The following NCALD variants were observed in gnomAD, a reference collection of about 807,000 sequenced individuals.
NCALD encodes the protein neurocalcin delta.
In NCALD, 10 loss-of-function variants were observed where a neutral mutation model predicts 18.6. That is an observed-to-expected ratio of 0.54 (90% CI 0.33 to 0.91). NCALD has a LOEUF of 0.91. Among genes scored for constraint, NCALD ranks in the 40% least tolerant of loss-of-function variants. The pLI, the probability that NCALD is intolerant of heterozygous loss-of-function variation, is 0.03. For missense variants in NCALD, 184 were observed against 247.6 expected, an observed-to-expected ratio of 0.74 and a Z score of 1.72; for synonymous variants, 88 against 87.4, an observed-to-expected ratio of 1.01 and a Z score of -0.04.
intron 3 of NCALD, among the ~76,000 whole-genome samples, chr8:101,897,964 T>C (rs1817269437): frequency 1.3e-5 from 2 of 152,168 alleles, no homozygotes; most frequent in Non-Finnish European, 2.9e-5. Flanking sequence ...TGATAATGAG[T>C]GAGTTCTCAC....
chr8:101,751,606 C>T (rs1241150705), intron 1 of NCALD, among the ~76,000 whole-genome samples: 2 of 152,100 alleles, frequency 1.3e-5, no homozygotes, highest in East Asian at 3.8e-4. Flanking sequence ...AAGGGGAGGG[C>T]CCAGAATTCT....
At chr8:101,950,598 G>A (rs1819376018) in intron 2 of NCALD, among the ~76,000 whole-genome samples, 1 of 152,192 alleles carries the variant, frequency 6.6e-6, no homozygotes. Context: ...GGTTATGCTT[G>A]GCTAAGAGAC....
chr8:101,938,368 A>G (rs1818838001), intron 2 of NCALD, among the ~76,000 whole-genome samples: 1 of 152,226 alleles, frequency 6.6e-6, no homozygotes, highest in African/African-American at 2.4e-5. Flanking sequence ...GTGAAGCCAT[A>G]GCTCAGAGGT....
chr8:102,038,410 T>C (rs941694970), intron 1 of NCALD, among the ~76,000 whole-genome samples: 1 of 152,178 alleles, frequency 6.6e-6, no homozygotes, highest in Non-Finnish European at 1.5e-5. Flanking sequence ...GCATGGGGCT[T>C]GCAGAGTCTA....
Position 101,892,858 on chromosome 8 carries a change from C to G in NCALD, c.-106-5631G>C, listed in dbSNP as rs184933731. ...AGCAAAGCCTCCAAGAAATATGGGA[C>G]TATGTGAAAAAACCAAATCTACATC... On this transcript the variant is annotated intron_variant, in intron 3 of 6. Coordinates refer to the NCALD transcript ENST00000311028. Among the ~76,000 whole-genome samples the G allele has an allele frequency of 6.1e-4, 91 of 149,506 alleles. 3 individuals carry two copies. Among genetic ancestry groups the G allele is most frequent in the Non-Finnish European group, 1.1e-3 (76 of 67,868 alleles).
intron 3 of NCALD, among the ~76,000 whole-genome samples, chr8:101,895,104 A>G (rs1817103978): frequency 6.6e-6 from 1 of 150,868 alleles, no homozygotes; most frequent in South Asian, 2.1e-4. Flanking sequence ...CATTGATGCA[A>G]AAATCCTCAA....
At chr8:101,711,157 AG>A (rs1408420061) in intron 2 of NCALD, among the ~76,000 whole-genome samples, 1 of 152,220 alleles carries the variant, frequency 6.6e-6, no homozygotes, top group African/African-American at 2.4e-5. Context: ...AAACTCCAGC[AG>A]ACCTGCAGAA....
At chr8:101,810,154 T>G (rs1813253935) in intron 4 of NCALD, among the ~76,000 whole-genome samples, 1 of 152,166 alleles carries the variant, frequency 6.6e-6, no homozygotes. Flanking sequence ...TCTTGCTGTG[T>G]TATAATAGAG....
intron 4 of NCALD, among the ~76,000 whole-genome samples, chr8:101,812,505 C>G (rs1813343460): frequency 6.6e-6 from 1 of 152,148 alleles, no homozygotes; most frequent in Non-Finnish European, 1.5e-5. Context: ...AGACTTGACA[C>G]TGGCTTTTTC....
In NCALD at chr8:101,905,146, G is replaced by T. The variant is rs540791162; in HGVS notation, c.-107+10663C>A. ...TTAATCTGACAATCCTACCACAGTT[G>T]TTTCTTCAGAGCTCCTCTCCATTCT... On this transcript the variant is annotated intron_variant, in intron 3 of 6. Transcript: ENST00000311028. Among the ~76,000 whole-genome samples the T allele has an allele frequency of 1.2e-4, 19 of 152,204 alleles. 1 individual carries two copies. The highest frequency in any genetic ancestry group is 1.0e-3 in the Admixed American group (16 of 15,288).
At position 101,763,921 on chromosome 8, in the gene NCALD, C is replaced by T. The variant is rs913062300; in HGVS notation, c.-20+26941G>A. Among the ~76,000 whole-genome samples the T allele has an allele frequency of 1.1e-4, 16 of 151,218 alleles. No individual in the cohort carries two copies. In the East Asian group the frequency reaches 2.9e-3, roughly 28 times the overall value. ...AGATCTTGGGACTTGCACACCTCCACAATCAGATGAGCCAATTCTTTATGA... is the reference window on the plus strand; with the variant it reads ...AGATCTTGGGACTTGCACACCTCCATAATCAGATGAGCCAATTCTTTATGA... On this transcript the variant is annotated intron_variant, in intron 1 of 3. Transcript: ENST00000220931.
Position 102,065,261 on chromosome 8 carries a change from T to C in NCALD, c.-209-44972A>G, listed in dbSNP as rs544631648. Among the ~76,000 whole-genome samples the C allele has an allele frequency of 8.3e-4, 126 of 151,950 alleles. 1 individual carries two copies. The highest frequency in any genetic ancestry group is 2.9e-3 in the African/African-American group (121 of 41,386). On this transcript the variant is annotated intron_variant, in intron 1 of 6. Coordinates refer to the NCALD transcript ENST00000311028. ...GATGTGAATCAGTGAAGGCTCTTTT[T>C]TTTTTCATATCTGCCCATATATTTC...
At chr8:101,834,388 G>A (rs1208994505) in intron 4 of NCALD, among the ~76,000 whole-genome samples, 1 of 152,254 alleles carries the variant, frequency 6.6e-6, no homozygotes, top group Non-Finnish European at 1.5e-5. Context: ...CGTGAAGCTG[G>A]AAACATCTTT....
chr8:101,727,425 C>T (rs1816621188), intron 1 of NCALD, among the ~76,000 whole-genome samples: 1 of 152,190 alleles, frequency 6.6e-6, no homozygotes, highest in Non-Finnish European at 1.5e-5. Context: ...CCAATCTATT[C>T]TCTACTCAGC....
intron 1 of NCALD, among the ~76,000 whole-genome samples, chr8:102,033,549 T>C (rs757671619): frequency 3.9e-5 from 6 of 152,152 alleles, no homozygotes; most frequent in Admixed American, 6.6e-5. Context: ...AAAATAAAAG[T>C]CAGCAGCAGA....
At chr8:102,007,848 T>C (rs1821765933) in intron 2 of NCALD, among the ~76,000 whole-genome samples, 1 of 152,198 alleles carries the variant, frequency 6.6e-6, no homozygotes, top group Admixed American at 6.5e-5. Context: ...GACAGTGACT[T>C]TACTCATCAT....
chr8:101,746,060 T>C (rs889342796), intron 1 of NCALD: 2 of 152,218 alleles, frequency 1.3e-5, no homozygotes, highest in Non-Finnish European at 2.9e-5. Context: ...CCCAGTGTCT[T>C]ACTTAATCCT....
chr8:101,745,394 G>T (rs953473725), intron 1 of NCALD, among the ~76,000 whole-genome samples: 8 of 152,154 alleles, frequency 5.3e-5, no homozygotes, highest in African/African-American at 1.7e-4. Context: ...GTCCACAGAA[G>T]ATTTTCTTTT....
chr8:101,923,604 C>T (rs945277792), intron 2 of NCALD, among the ~76,000 whole-genome samples: 13 of 152,094 alleles, frequency 8.5e-5, no homozygotes, highest in Non-Finnish European at 1.8e-4. Flanking sequence ...TGTAGCTGGC[C>T]GAATTTGCTT....
Sources: allele counts gnomAD v4.1 joint callset (sites outside exome capture counted in the v4.1 genomes callset), GRCh38; gene constraint gnomAD v4.1.1; transcripts MANE v1.5; gene names NCBI Gene and HGNC (gene_info 2026-07-23, HGNC 2026-07-21).